Variants in ZZZ3 observed in about 807,000 individuals in gnomAD.
ZZZ3 encodes the protein zinc finger ZZ-type containing 3, also known as ZZ-type zinc finger-containing protein 3.
Under a neutral mutation model 95.2 loss-of-function variants are expected in ZZZ3, and 22 were observed. The observed-to-expected ratio is 0.23, with a 90% CI of 0.17 to 0.33. The LOEUF is 0.33. Ranked by LOEUF, ZZZ3 falls within the 10% of genes least tolerant of loss-of-function variation. ZZZ3 has a pLI of 1.00. For synonymous variants in ZZZ3, 335 were observed against 358.9 expected (o/e 0.93, Z 0.75); for missense variants, 885 against 1,066.5 (o/e 0.83, Z 2.37).
chr1:77,590,092 G>T (rs879936988), intron 5 of ZZZ3, among the ~76,000 whole-genome samples: 2 of 152,146 alleles, frequency 1.3e-5, no homozygotes, highest in Non-Finnish European at 2.9e-5. Flanking sequence ...AAAAAAGAGG[G>T]CCAGGTGCAG....
intron 5 of ZZZ3, among the ~76,000 whole-genome samples, chr1:77,609,793 G>A (rs1475725195): frequency 6.6e-6 from 1 of 151,874 alleles, no homozygotes; most frequent in Non-Finnish European, 1.5e-5. Flanking sequence ...ATGACCCGTG[G>A]GTCAATGAAG....
intron 1 of ZZZ3, among the ~76,000 whole-genome samples, chr1:77,648,060 T>A (rs1669454860): frequency 6.6e-6 from 1 of 151,986 alleles, no homozygotes; most frequent in Non-Finnish European, 1.5e-5. Flanking sequence ...TGGAATCCAA[T>A]CAGAAATTAC....
At chr1:77,647,249 C>G (rs1364031395) in intron 1 of ZZZ3, among the ~76,000 whole-genome samples, 1 of 152,066 alleles carries the variant, frequency 6.6e-6, no homozygotes, top group Non-Finnish European at 1.5e-5. Flanking sequence ...CTGGCTGCAG[C>G]AGCTCACATC....
chr1:77,599,194 A>G (rs1211226875), intron 5 of ZZZ3, among the ~76,000 whole-genome samples: 1 of 152,110 alleles, frequency 6.6e-6, no homozygotes, highest in Non-Finnish European at 1.5e-5. Context: ...CTCAGTTTAT[A>G]TAAATTTTAA....
intron 11 of ZZZ3, 144 bp from the exon 12 acceptor site, chr1:77,576,364 T>C: frequency 1.5e-6 from 1 of 672,930 alleles, no homozygotes; most frequent in Non-Finnish European, 2.2e-6. Context: ...TGTTGCTTTT[T>C]CTGTTTTCTG....
At chr1:77,677,145 CCTGA>C (rs571948714) in intron 1 of ZZZ3, 29 of 152,266 alleles carry the variant, frequency 1.9e-4, no homozygotes, top group African/African-American at 6.5e-4. Context: ...TCCAGACCAG[CCTGA>C]CTAACATGGT....
At chr1:77,591,712 C>G (rs1398969263) in intron 5 of ZZZ3, among the ~76,000 whole-genome samples, 1 of 152,142 alleles carries the variant, frequency 6.6e-6, no homozygotes, top group Non-Finnish European at 1.5e-5. Context: ...AAGACATAAA[C>G]TAATACCTCA....
intron 1 of ZZZ3, among the ~76,000 whole-genome samples, chr1:77,656,827 T>C (rs1557768244): frequency 6.6e-6 from 1 of 152,186 alleles, no homozygotes; most frequent in Non-Finnish European, 1.5e-5. Flanking sequence ...TTGATTCTCA[T>C]AAAGTTGCCA....
chr1:77,654,914 G>A (rs930182836), intron 1 of ZZZ3, among the ~76,000 whole-genome samples: 42 of 152,208 alleles, frequency 2.8e-4, no homozygotes, highest in Middle Eastern at 3.4e-3. Context: ...CTCCCAAAGT[G>A]CTGGGATTAC....
At chr1:77,642,015 T>C (rs1009203408) in intron 1 of ZZZ3, among the ~76,000 whole-genome samples, 5 of 152,220 alleles carry the variant, frequency 3.3e-5, no homozygotes, top group African/African-American at 1.2e-4. Flanking sequence ...TACTTTTTTG[T>C]GTGTTTTATA....
intron 5 of ZZZ3, among the ~76,000 whole-genome samples, chr1:77,628,947 T>A (rs1380322858): frequency 6.6e-6 from 1 of 152,218 alleles, no homozygotes; most frequent in Non-Finnish European, 1.5e-5. Flanking sequence ...ACAAGGTATG[T>A]ACATATGTGT....
intron 12 of ZZZ3, among the ~76,000 whole-genome samples, chr1:77,569,056 G>A (rs1661112715): frequency 6.6e-6 from 1 of 152,212 alleles, no homozygotes; most frequent in Admixed American, 6.5e-5. Context: ...TATTAAGTAG[G>A]CTAGGTGCAG....
chr1:77,608,618 G>A (rs1665477742), intron 5 of ZZZ3, among the ~76,000 whole-genome samples: 1 of 152,116 alleles, frequency 6.6e-6, no homozygotes, highest in African/African-American at 2.4e-5. Context: ...ATATAACACT[G>A]TAACTGTGGT....
intron 5 of ZZZ3, among the ~76,000 whole-genome samples, chr1:77,601,220 CAAG>C (rs1043053167): frequency 1.3e-5 from 2 of 152,044 alleles, no homozygotes; most frequent in African/African-American, 4.8e-5. Context: ...AAAAATGTTT[CAAG>C]AAGGAGGGTA....
intron 5 of ZZZ3, among the ~76,000 whole-genome samples, chr1:77,594,315 C>A (rs1286437362): frequency 6.6e-6 from 1 of 152,022 alleles, no homozygotes; most frequent in Non-Finnish European, 1.5e-5. Context: ...ACTGGCTGTT[C>A]CCTAGGTCAC....
Position 77,578,823 on chromosome 1 carries a change from C to T in ZZZ3, c.2129G>A (p.Gly710Asp). The change falls in exon 11 of 15, where the codon GGC becomes GAC. Residue 710 changes from glycine to aspartate, a missense_variant. Gly to Asp is a moderately conservative substitution (Grantham distance 94, BLOSUM62 -1). Coordinates refer to ENST00000370801, the MANE Select transcript of ZZZ3 (RefSeq NM_015534.6). ...TGGTGTTCTGCCTGGTACTGGAATG[C>T]CAGCTTTAGTTAGCTTTATGAAATA... ...QKYFIKLTKA[G>D]IPVPGRTPNL... The T allele has an allele frequency of 1.9e-6, 3 of 1,577,272 alleles. No individual in the cohort carries two copies. Among genetic ancestry groups the T allele is most frequent in the Middle Eastern group, 1.9e-4 (1 of 5,376 alleles).
At chr1:77,662,716 A>G (rs1670909093) in intron 1 of ZZZ3, among the ~76,000 whole-genome samples, 1 of 152,178 alleles carries the variant, frequency 6.6e-6, no homozygotes, top group African/African-American at 2.4e-5. Flanking sequence ...ACTTGAGTCC[A>G]GGAGGTCAAA....
At chr1:77,583,470 C>G (rs1049470062) in intron 6 of ZZZ3, among the ~76,000 whole-genome samples, 1 of 152,018 alleles carries the variant, frequency 6.6e-6, no homozygotes, top group African/African-American at 2.4e-5. Context: ...TTCTAAAAAC[C>G]TTAGAAGTTT....
Position 77,679,399 on chromosome 1 carries a change from G to A in ZZZ3, c.-403+3186C>T, listed in dbSNP as rs567378030. On this transcript the variant is annotated intron_variant, in intron 1 of 14. Coordinates refer to ENST00000370801, the MANE Select transcript of ZZZ3 (RefSeq NM_015534.6). ...CAGCTCACTGCAGTCTCAACCTTCT[G>A]GGTTCAAGCAATCCTCCCTTCTCAG... 3.3e-5 allele frequency among the ~76,000 whole-genome samples: 5 copies of A among 152,264 alleles called. No homozygotes were observed. In the East Asian group the frequency reaches 9.6e-4, roughly 29 times the overall value.
Sources: allele counts gnomAD v4.1 joint callset (sites outside exome capture counted in the v4.1 genomes callset), GRCh38; gene constraint gnomAD v4.1.1; transcripts MANE v1.5; gene names NCBI Gene and HGNC (gene_info 2026-07-23, HGNC 2026-07-21).